Variants in ATXN7 observed in about 807,000 individuals in gnomAD.
ATXN7 encodes ataxin-7.
ATXN7 carries 12 observed loss-of-function variants against 70.5 expected under a neutral mutation model. That is an observed-to-expected ratio of 0.17 (90% CI 0.11 to 0.28). The LOEUF is 0.28. ATXN7 is among the 10% of genes least tolerant of loss of function. The pLI is 1.00. For missense variants in ATXN7, 1,256 were observed against 1,131.7 expected, an observed-to-expected ratio of 1.11 and a Z score of -1.58; for synonymous variants, 498 against 448.7, an observed-to-expected ratio of 1.11 and a Z score of -1.39.
At chr3:63,879,456 G>A (rs926784428) in intron 1 of ATXN7, among the ~76,000 whole-genome samples, 2 of 149,882 alleles carry the variant, frequency 1.3e-5, no homozygotes, top group East Asian at 3.9e-4. Context: ...AAAGGAAAGT[G>A]CAACTTAAGT....
chr3:63,875,712 C>G (rs1176338373), intron 1 of ATXN7, among the ~76,000 whole-genome samples: 1 of 152,106 alleles, frequency 6.6e-6, no homozygotes, highest in Non-Finnish European at 1.5e-5. Context: ...TTATATGGTC[C>G]TGGCTGTTTT....
At chr3:63,933,723 C>T (rs1407663587) in intron 4 of ATXN7, among the ~76,000 whole-genome samples, 2 of 152,094 alleles carry the variant, frequency 1.3e-5, no homozygotes, top group African/African-American at 4.8e-5. Flanking sequence ...GGTAATGTCC[C>T]TTGTATCCCT....
rs2075288462 is a variant in ATXN7 at position 63,970,241 on chromosome 3, TTC to T, written c.500-9673_500-9672del. 2.0e-5 allele frequency among the ~76,000 whole-genome samples: 3 copies of T among 152,300 alleles called. No homozygotes were observed. In the East Asian group the frequency reaches 5.8e-4, roughly 29 times the overall value. ...CAGCATCCTTTTCCCAAAATGTACT[TTC>T]CCTAAGTGTTGTGTGTATGCATGTG... On this transcript the variant is annotated intron_variant, in intron 5 of 12. Coordinates refer to ENST00000674280, the MANE Select transcript of ATXN7 (RefSeq NM_001377405.1).
In ATXN7 at chr3:63,982,179, G is replaced by A; in HGVS notation, c.753-7G>A. 1 of 1,614,024 alleles carries A rather than the reference G, an allele frequency of 6.2e-7. No homozygotes were observed. The highest frequency in any genetic ancestry group is 8.5e-7 in the Non-Finnish European group (1 of 1,179,958). The stretch of plus-strand genomic sequence containing the variant: ...GGCACTGGTTTTCTCACTTCCTCCT[G>A]TGACAGCATGACACCCTCTGTGAAA... On this transcript the variant is annotated splice_region_variant and splice_polypyrimidine_tract_variant and intron_variant, in intron 6 of 12. Transcript: ENST00000674280.
Position 63,952,493 on chromosome 3 carries a change from T to C in ATXN7, c.499+10T>C. ...TTTCAATCACATTATGGTAAGTGCT[T>C]AACCATTTAAAAAATTGTTAATAGA... is the stretch of plus-strand genomic sequence containing the variant. On this transcript the variant is annotated intron_variant, in intron 5 of 12. Transcript: ENST00000674280. 1 of 1,571,776 alleles carries C rather than the reference T, an allele frequency of 6.4e-7. No individual in the cohort carries two copies. Among genetic ancestry groups the C allele is most frequent in the African/African-American group, 1.4e-5 (1 of 73,392 alleles).
intron 4 of ATXN7, among the ~76,000 whole-genome samples, chr3:63,926,988 C>T (rs539434176): frequency 3.6e-4 from 55 of 152,306 alleles, no homozygotes; most frequent in Non-Finnish European, 6.0e-4. Flanking sequence ...CTGCAAAGGA[C>T]GTGAACTCAT....
chr3:63,929,932 A>G (rs1002775888), intron 4 of ATXN7, among the ~76,000 whole-genome samples: 1 of 152,142 alleles, frequency 6.6e-6, no homozygotes, highest in Admixed American at 6.5e-5. Context: ...AGTGGTTCAC[A>G]CTGTATATTG....
intron 5 of ATXN7, chr3:63,968,273 C>T (rs1575965166): frequency 6.1e-6 from 2 of 325,428 alleles, no homozygotes; most frequent in East Asian, 1.1e-4. Context: ...TCTGAAATGT[C>T]ATTTGAGTGA....
At chr3:63,927,334 C>CT (rs1327463417) in intron 4 of ATXN7, among the ~76,000 whole-genome samples, 1 of 152,140 alleles carries the variant, frequency 6.6e-6, no homozygotes, top group African/African-American at 2.4e-5. Flanking sequence ...CTGAAAGGTG[C>CT]TGTTATTGTT....
At chr3:63,926,552 G>C (rs762663686) in intron 4 of ATXN7, among the ~76,000 whole-genome samples, 2 of 152,140 alleles carry the variant, frequency 1.3e-5, no homozygotes, top group African/African-American at 2.4e-5. Flanking sequence ...AAAAGGTCAG[G>C]TGCTGAAGGG....
At chr3:63,979,200 A>C (rs1176499640) in intron 5 of ATXN7, among the ~76,000 whole-genome samples, 1 of 152,124 alleles carries the variant, frequency 6.6e-6, no homozygotes, top group Non-Finnish European at 1.5e-5. Flanking sequence ...TTAACCATGA[A>C]TTACTTCCTG....
At chr3:63,895,695 C>CTCTT (rs550051658) in intron 1 of ATXN7, among the ~76,000 whole-genome samples, 4 of 152,180 alleles carry the variant, frequency 2.6e-5, no homozygotes, top group African/African-American at 4.8e-5. Flanking sequence ...GATTCTCTCT[C>CTCTT]TCTTTCTTTC....
At chr3:63,906,371 C>A (rs961046490) in intron 2 of ATXN7, among the ~76,000 whole-genome samples, 6 of 152,334 alleles carry the variant, frequency 3.9e-5, no homozygotes, top group East Asian at 1.9e-4. Flanking sequence ...TACTAACACA[C>A]CTGCATTGTT....
At chr3:63,943,563 G>A (rs901090337) in intron 4 of ATXN7, among the ~76,000 whole-genome samples, 3 of 152,092 alleles carry the variant, frequency 2.0e-5, no homozygotes, top group Non-Finnish European at 4.4e-5. Flanking sequence ...ACATATATTC[G>A]TGTAGTCCTC....
intron 5 of ATXN7, among the ~76,000 whole-genome samples, chr3:63,966,808 A>G (rs2075231623): frequency 6.6e-6 from 1 of 152,162 alleles, no homozygotes; most frequent in South Asian, 2.1e-4. Flanking sequence ...AATATTCTGT[A>G]TGGGGTGATA....
intron 1 of ATXN7, among the ~76,000 whole-genome samples, chr3:63,877,520 C>T (rs1702782391): frequency 1.3e-5 from 2 of 152,244 alleles, no homozygotes; most frequent in Non-Finnish European, 2.9e-5. Context: ...ATGAGAGCTG[C>T]CTGGCCCTTT....
chr3:63,873,120 A>C (rs926958007), intron 1 of ATXN7, among the ~76,000 whole-genome samples: 5 of 152,132 alleles, frequency 3.3e-5, no homozygotes, highest in Non-Finnish European at 5.9e-5. Flanking sequence ...ATCCCTTTTC[A>C]ATGTGAAATT....
intron 4 of ATXN7, among the ~76,000 whole-genome samples, chr3:63,923,362 C>T (rs1704576288): frequency 6.6e-6 from 1 of 152,132 alleles, no homozygotes; most frequent in East Asian, 1.9e-4. Context: ...AAGTGAGATA[C>T]AGTAAATACA....
At chr3:63,863,498 G>A (rs1029274832), upstream of ATXN7, 1 of 1,180,728 alleles carries the variant, frequency 8.5e-7, no homozygotes, top group Non-Finnish European at 1.0e-6. Flanking sequence ...CACGCTCCCG[G>A]CACACCCTAT....
Sources: gnomAD v4.1 joint callset for allele counts (sites outside exome capture counted in the v4.1 genomes callset) on GRCh38, gnomAD v4.1.1 for gene constraint, MANE v1.5 for transcripts, NCBI Gene and HGNC (gene_info 2026-07-23, HGNC 2026-07-21) for gene names.